The following SLC6A4 variants were observed in gnomAD, a reference collection of about 807,000 sequenced individuals.
The protein encoded by SLC6A4 is sodium-dependent serotonin transporter.
A neutral mutation model predicts 73.4 loss-of-function variants in SLC6A4; 22 were observed. That is an observed-to-expected ratio of 0.30 (90% confidence interval 0.21 to 0.43). The LOEUF (loss-of-function observed/expected upper bound fraction) is 0.43. SLC6A4 is among the 20% of genes least tolerant of loss of function. The pLI is 1.00. For missense variants in SLC6A4, 593 were observed against 808.5 expected, an observed-to-expected ratio of 0.73 and a Z score of 3.23; for synonymous variants, 270 against 315.5, an observed-to-expected ratio of 0.86 and a Z score of 1.53.
At chr17:30,203,602 G>A (rs955121679) in intron 13 of SLC6A4, 204 of 443,922 alleles carry the variant, frequency 4.6e-4, no homozygotes, top group Admixed American at 2.0e-3. Flanking sequence ...CAGCCCTACA[G>A]CTGCCCCTAC....
At chr17:30,212,496 C>G (rs1906418092) in intron 9 of SLC6A4, among the ~76,000 whole-genome samples, 1 of 152,192 alleles carries the variant, frequency 6.6e-6, no homozygotes, top group Non-Finnish European at 1.5e-5. Flanking sequence ...AAGCAATCTT[C>G]CCACCTCAGC....
intron 12 of SLC6A4, among the ~76,000 whole-genome samples, chr17:30,208,210 C>T (rs1906268562): frequency 6.6e-6 from 1 of 152,088 alleles, no homozygotes; most frequent in African/African-American, 2.4e-5. Context: ...ACACCGCCTT[C>T]CTGAGAGCTG....
At chr17:30,205,807 T>C (rs1039175084) in intron 13 of SLC6A4, among the ~76,000 whole-genome samples, 1 of 152,218 alleles carries the variant, frequency 6.6e-6, no homozygotes, top group African/African-American at 2.4e-5. Context: ...AAGCATGTTG[T>C]CCATCATAGA....
chr17:30,233,588 G>A (rs1907180521), intron 1 of SLC6A4, among the ~76,000 whole-genome samples: 1 of 152,196 alleles, frequency 6.6e-6, no homozygotes, highest in Non-Finnish European at 1.5e-5. Context: ...TGGTTGCAGA[G>A]TGAGTTGGAG....
intron 14 of SLC6A4, among the ~76,000 whole-genome samples, chr17:30,202,031 G>C (rs562860478): frequency 1.3e-5 from 2 of 152,270 alleles, no homozygotes; most frequent in East Asian, 1.9e-4. Flanking sequence ...GTTTGAGGCT[G>C]CAGTGAGCCA....
rs948806282 is a variant in SLC6A4 at position 30,218,703 on chromosome 17, C to T, written c.478+94G>A. The stretch of plus-strand genomic sequence containing the variant: ...TCTCCCAGGGATGCCTAAGGCCTGA[C>T]TGATTCCAGAAGAAGGTCCCCAGCT... On this transcript the variant is annotated intron_variant, in intron 4 of 14. Transcript: ENST00000650711. The T allele has an allele frequency of 1.5e-5, 20 of 1,371,486 alleles. No homozygotes were observed. In the East Asian group the frequency reaches 4.1e-4, roughly 28 times the overall value. The allele number at this position is 1,371,486 out of a possible 1,614,324, so 85.0% of individuals were successfully genotyped here.
rs201520429 is a variant in SLC6A4, at chr17:30,198,521, T to C, written c.1828A>G (p.Lys610Glu). The C allele has an allele frequency of 1.3e-6, 2 of 1,580,916 alleles. No individual in the cohort carries two copies. Among genetic ancestry groups the C allele is most frequent in the Non-Finnish European group, 1.7e-6 (2 of 1,150,370 alleles). ...TPGTFKERII[K>E]SITPETPTEI... ...GTTGGTGTTTCTGGGGTAATACTTT[T>C]AATAATACGCTATTGGGAAGAAAAT... Residue 610 changes from lysine (K) to glutamate (E), a missense_variant, in exon 15 of 15, where the codon AAA becomes GAA. Coordinates refer to ENST00000650711, the MANE Select transcript of SLC6A4 (RefSeq NM_001045.6).
chr17:30,201,053 G>A (rs1401219762), intron 14 of SLC6A4, among the ~76,000 whole-genome samples: 1 of 152,160 alleles, frequency 6.6e-6, no homozygotes, highest in Non-Finnish European at 1.5e-5. Context: ...AAAGTGCTGG[G>A]ATTACAGGTG....
At chr17:30,225,951 G>A (rs1168028557) in intron 1 of SLC6A4, among the ~76,000 whole-genome samples, 1 of 152,116 alleles carries the variant, frequency 6.6e-6, no homozygotes, top group Non-Finnish European at 1.5e-5. Flanking sequence ...CTATAGCCAG[G>A]AGCAACCCGT....
At chr17:30,206,523 G>A (rs973082493) in intron 13 of SLC6A4, 3 of 152,060 alleles carry the variant, frequency 2.0e-5, no homozygotes, top group African/African-American at 7.2e-5. Context: ...TTTTTGCTTA[G>A]AGAGCTTTGT....
Position 30,222,762 on chromosome 17 carries a change from G to A in SLC6A4, c.-124+57C>T, listed in dbSNP as rs572156030. ...CAGTCTATCTGCACATGGCCTTTCT[G>A]CGTTCCCATTATGCATTTGCAAGCC... is the stretch of plus-strand genomic sequence containing the variant. On this transcript the variant is annotated intron_variant, in intron 2 of 14. Coordinates refer to ENST00000650711, the MANE Select transcript of SLC6A4 (RefSeq NM_001045.6). 5.4e-6 allele frequency: 7 copies of A among 1,293,248 alleles called. No individual in the cohort carries two copies. In the East Asian group the frequency reaches 3.3e-4, roughly 61 times the overall value. The allele number at this position is 1,293,248 out of a possible 1,614,324, so 80.1% of individuals were successfully genotyped here. A position where few individuals can be genotyped will look rare whatever the true frequency, so the allele number is the denominator to read the frequency against.
intron 3 of SLC6A4, among the ~76,000 whole-genome samples, chr17:30,220,971 C>CTTTT (rs776589435): frequency 3.9e-4 from 44 of 113,616 alleles, no homozygotes; most frequent in African/African-American, 1.1e-3. Context: ...GGAGATTTGA[C>CTTTT]TTTTTTTTTT....
In SLC6A4 at chr17:30,210,630, C is replaced by G. The variant is rs1906357493; in HGVS notation, c.1334G>C (p.Gly445Ala). Residue 445 changes from glycine (G) to alanine (A), a missense_variant, in exon 11 of 15, where the codon GGG becomes GCG. Transcript: ENST00000650711. ...CTCATCCAGCACAGCCGTGATCACC[C>G]CCTCCAAGCCTGCAAACTGAGAGGT... is the stretch of plus-strand genomic sequence containing the variant. ...GLDSTFAGLEGVITAVLDEFP... is the reference protein window; with the variant it reads ...GLDSTFAGLEAVITAVLDEFP... 6.2e-7 allele frequency: 1 copy of G among 1,612,216 alleles called. No individual in the cohort carries two copies.
rs1455149875 is a variant in SLC6A4 at position 30,235,429 on chromosome 17, G to C, written c.-221+184C>G. 6.6e-6 allele frequency among the ~76,000 whole-genome samples: 1 copy of C among 152,228 alleles called. No homozygotes were observed. Among genetic ancestry groups the C allele is most frequent in the Admixed American group, 6.5e-5 (1 of 15,292 alleles). On this transcript the variant is annotated intron_variant, in intron 1 of 14. Transcript: ENST00000650711. This position sits in a 1 kb window ranked among gnomAD's most constrained non-coding sequence, Gnocchi z 4.5. ...CTCCCACTCTGGCCGGTCAGCTTCAGCTCTGGCTCTTGCTGAGCGTGGAGG... is the reference window on the plus strand; with the variant it reads ...CTCCCACTCTGGCCGGTCAGCTTCACCTCTGGCTCTTGCTGAGCGTGGAGG...
chr17:30,199,279 A>G (rs1218764394), intron 14 of SLC6A4, among the ~76,000 whole-genome samples: 3 of 151,954 alleles, frequency 2.0e-5, no homozygotes, highest in Admixed American at 1.3e-4. Flanking sequence ...AAAACTCAGC[A>G]TCAGAGTGGC....
At chr17:30,223,482 G>T (rs1906832827) in intron 1 of SLC6A4, among the ~76,000 whole-genome samples, 1 of 152,202 alleles carries the variant, frequency 6.6e-6, no homozygotes, top group Non-Finnish European at 1.5e-5. Flanking sequence ...CAAAATAGTA[G>T]CTTCACAAGA....
Position 30,216,083 on chromosome 17 carries a change from CCT to C in SLC6A4, c.969_970del (p.Trp326AspfsTer23), listed in dbSNP as rs754352657. On this transcript the variant is annotated frameshift_variant and splice_region_variant, in exon 7 of 15. Coordinates refer to ENST00000650711, the MANE Select transcript of SLC6A4 (RefSeq NM_001045.6). LOFTEE classifies it high-confidence loss of function. ...CACATATTTCCCTCATCATCTTACC[CCT>C]GTCTCCAGGAGTTTCTGCCAATTGG... 1 of 1,613,036 alleles carries C rather than the reference CCT, an allele frequency of 6.2e-7. No homozygotes were observed. Among genetic ancestry groups the C allele is most frequent in the Non-Finnish European group, 8.5e-7 (1 of 1,179,528 alleles).
chr17:30,219,237 A>G (rs567469390), intron 3 of SLC6A4, among the ~76,000 whole-genome samples: 2 of 152,302 alleles, frequency 1.3e-5, no homozygotes, highest in African/African-American at 4.8e-5. Flanking sequence ...ACGCTGGGCC[A>G]CTTCCCCTCT....
At chr17:30,207,399 C>T (rs998275887) in intron 13 of SLC6A4, among the ~76,000 whole-genome samples, 3 of 152,142 alleles carry the variant, frequency 2.0e-5, no homozygotes, top group Non-Finnish European at 4.4e-5. Context: ...CTATTTATTT[C>T]TTTTCTGAAA....
Sources: allele counts gnomAD v4.1 joint callset (sites outside exome capture counted in the v4.1 genomes callset), GRCh38; gene constraint gnomAD v4.1.1; non-coding constraint Gnocchi (gnomAD v3.1); transcripts MANE v1.5; gene names NCBI Gene and HGNC (gene_info 2026-07-23, HGNC 2026-07-21).